Variants in STXBP5 observed in about 807,000 individuals in gnomAD.
The protein encoded by STXBP5 is syntaxin binding protein 5.
Under a neutral mutation model 152.4 loss-of-function variants are expected in STXBP5, and 50 were observed. That is an observed-to-expected ratio of 0.33 (90% confidence interval 0.26 to 0.42). The LOEUF (loss-of-function observed/expected upper bound fraction) is 0.42. Ranked by LOEUF, STXBP5 falls within the 10% of genes least tolerant of loss-of-function variation. STXBP5 has a pLI of 1.00. For synonymous variants in STXBP5, 492 were observed against 494.7 expected, an observed-to-expected ratio of 0.99 and a Z score of 0.07; for missense variants, 1,167 against 1,388.6, an observed-to-expected ratio of 0.84 and a Z score of 2.54.
intron 9 of STXBP5, chr6:147,292,457 T>C: frequency 4.0e-6 from 1 of 249,572 alleles, no homozygotes; most frequent in Non-Finnish European, 7.9e-6. Flanking sequence ...TTAATTGAGA[T>C]GATAATGTAT....
At chr6:147,340,888 C>A (rs1784060035) in intron 21 of STXBP5, among the ~76,000 whole-genome samples, 2 of 151,980 alleles carry the variant, frequency 1.3e-5, no homozygotes. Context: ...GACATTCTTG[C>A]TTTATTTTTA....
At chr6:147,334,784 TAAG>T (rs1395297876) in intron 19 of STXBP5, among the ~76,000 whole-genome samples, 12 of 152,264 alleles carry the variant, frequency 7.9e-5, no homozygotes, top group African/African-American at 2.6e-4. Flanking sequence ...CTCTTAAAAT[TAAG>T]AAGATCTTGA....
At chr6:147,215,445 A>C (rs544669132) in intron 2 of STXBP5, among the ~76,000 whole-genome samples, 1 of 152,102 alleles carries the variant, frequency 6.6e-6, no homozygotes, top group Non-Finnish European at 1.5e-5. Context: ...TAGTGGTGCT[A>C]TCTCGGCTCA....
At chr6:147,284,062 C>A (rs9485159) in intron 8 of STXBP5, among the ~76,000 whole-genome samples, 10,297 of 152,148 alleles carry the variant, frequency 0.068, 465 homozygotes, top group African/African-American at 0.12. Context: ...AATATGCAAA[C>A]TATTAGTTCA....
chr6:147,300,312 T>G (rs1781744111), intron 9 of STXBP5, among the ~76,000 whole-genome samples: 1 of 152,060 alleles, frequency 6.6e-6, no homozygotes, highest in African/African-American at 2.4e-5. Flanking sequence ...AAAATTTATA[T>G]GAAACCACAA....
intron 6 of STXBP5, among the ~76,000 whole-genome samples, chr6:147,264,418 T>A (rs931670253): frequency 6.6e-6 from 1 of 152,116 alleles, no homozygotes; most frequent in African/African-American, 2.4e-5. Context: ...ATTAGAAATT[T>A]CCCTTACTTT....
At chr6:147,309,388 A>G (rs1312696363) in intron 9 of STXBP5, among the ~76,000 whole-genome samples, 1 of 152,154 alleles carries the variant, frequency 6.6e-6, no homozygotes, top group Non-Finnish European at 1.5e-5. Context: ...TACTCAGACC[A>G]TAATATGTGA....
In STXBP5 at chr6:147,213,824, G is replaced by A. The variant is rs976316194; in HGVS notation, c.248+7756G>A. Among the ~76,000 whole-genome samples, 3 of 152,194 alleles carry A rather than the reference G, an allele frequency of 2.0e-5. No homozygotes were observed. In the East Asian group the frequency reaches 5.8e-4, roughly 29 times the overall value. ...TAAACAGATGTTTATCTGTTTAAGA[G>A]TATAACAGATTGATATAAAGAAAAG... On this transcript the variant is annotated intron_variant, in intron 2 of 27. Transcript: ENST00000321680.
chr6:147,337,842 G>C (rs1432312661), intron 19 of STXBP5, among the ~76,000 whole-genome samples: 1 of 151,996 alleles, frequency 6.6e-6, no homozygotes, highest in Admixed American at 6.6e-5. Context: ...TGTAAATGAT[G>C]TTTAACAGAA....
chr6:147,331,112 T>G (rs1783545840), intron 18 of STXBP5, among the ~76,000 whole-genome samples: 1 of 152,148 alleles, frequency 6.6e-6, no homozygotes, highest in South Asian at 2.1e-4. Flanking sequence ...AATGGATGTA[T>G]TGTGTTGAAT....
chr6:147,276,843 T>TG, intron 7 of STXBP5, among the ~76,000 whole-genome samples: 1 of 152,268 alleles, frequency 6.6e-6, no homozygotes, highest in African/African-American at 2.4e-5. Context: ...ACTTTACAAT[T>TG]GGTTTACCAA....
intron 4 of STXBP5, among the ~76,000 whole-genome samples, chr6:147,257,989 G>GT (rs982439066): frequency 2.0e-5 from 3 of 152,122 alleles, no homozygotes; most frequent in African/African-American, 7.2e-5. Context: ...CTGGTGGTTG[G>GT]TTCTGGCTAT....
At position 147,213,428 on chromosome 6, in the gene STXBP5, T is replaced by TTATA. The variant is rs144122039; in HGVS notation, c.248+7364_248+7367dup. ...GCCACCTCACCTGGCTCACATAATT[T>TTATA]TATATATGTGTGTGTGTGTGTGTGT... On this transcript the variant is annotated intron_variant, in intron 2 of 27. Coordinates refer to ENST00000321680, the MANE Select transcript of STXBP5 (RefSeq NM_001127715.4). 8.5e-3 allele frequency among the ~76,000 whole-genome samples: 747 copies of TTATA among 88,120 alleles called. 3 individuals are homozygous for TTATA. Among genetic ancestry groups the TTATA allele is most frequent in the African/African-American group, 0.026 (685 of 26,732 alleles). The allele number at this position is 88,120 out of a possible 152,430, so 57.8% of individuals were successfully genotyped here.
intron 9 of STXBP5, among the ~76,000 whole-genome samples, chr6:147,306,386 G>A (rs1220700181): frequency 6.6e-6 from 1 of 152,222 alleles, no homozygotes; most frequent in Non-Finnish European, 1.5e-5. Flanking sequence ...CAGGGTGGCT[G>A]GGCTGGGAAA....
At chr6:147,370,793 C>T (rs1207781636) in intron 25 of STXBP5, among the ~76,000 whole-genome samples, 1 of 151,910 alleles carries the variant, frequency 6.6e-6, no homozygotes, top group East Asian at 1.9e-4. Context: ...ATTGTGTATT[C>T]AGTATGAAGT....
At chr6:147,341,163 T>A (rs1209211139) in intron 21 of STXBP5, among the ~76,000 whole-genome samples, 1 of 152,176 alleles carries the variant, frequency 6.6e-6, no homozygotes, top group Non-Finnish European at 1.5e-5. Flanking sequence ...GACTGCCCCA[T>A]TTTAGACTGT....
chr6:147,264,060 G>A (rs1306476460), intron 6 of STXBP5, among the ~76,000 whole-genome samples: 1 of 150,946 alleles, frequency 6.6e-6, no homozygotes, highest in Non-Finnish European at 1.5e-5. Flanking sequence ...TAAATAATGA[G>A]GATGGAGTAA....
At chr6:147,375,103 T>C (rs1271534548) in intron 26 of STXBP5, among the ~76,000 whole-genome samples, 2 of 152,130 alleles carry the variant, frequency 1.3e-5, no homozygotes, top group Non-Finnish European at 2.9e-5. Context: ...ATTTTTCAAA[T>C]ATGTAGTCAT....
chr6:147,221,337 C>A (rs1777451041), intron 2 of STXBP5, among the ~76,000 whole-genome samples: 1 of 151,842 alleles, frequency 6.6e-6, no homozygotes, highest in Non-Finnish European at 1.5e-5. Context: ...AGTTAAGAAA[C>A]AGAAAAGTTT....
Sources: allele counts gnomAD v4.1 joint callset (sites outside exome capture counted in the v4.1 genomes callset), GRCh38; gene constraint gnomAD v4.1.1; transcripts MANE v1.5; gene names NCBI Gene and HGNC (gene_info 2026-07-23, HGNC 2026-07-21).